Variants in FAM114A2 observed in about 807,000 individuals in gnomAD.
The protein encoded by FAM114A2 is protein FAM114A2.
A neutral mutation model predicts 58.4 loss-of-function variants in FAM114A2; 53 were observed. That is an observed-to-expected ratio of 0.91 (90% CI 0.73 to 1.14). The LOEUF (loss-of-function observed/expected upper bound fraction) is 1.14, where lower values mean the gene tolerates loss of function less well. FAM114A2 is among the 50% of genes most tolerant of loss of function. The pLI, the probability that FAM114A2 is intolerant of heterozygous loss-of-function variation, is 0.00. For missense variants in FAM114A2, 601 were observed against 581.1 expected (o/e 1.03, Z -0.35); for synonymous variants, 228 against 211.4 (o/e 1.08, Z -0.68).
intron 12 of FAM114A2, among the ~76,000 whole-genome samples, chr5:153,996,940 T>G (rs1438295062): frequency 1.4e-5 from 2 of 143,940 alleles, no homozygotes; most frequent in African/African-American, 5.2e-5. Context: ...GAGGTTGTAG[T>G]GAGCTGAGAT....
chr5:154,014,564 G>GGA (rs1217364046), intron 8 of FAM114A2, among the ~76,000 whole-genome samples: 3 of 152,178 alleles, frequency 2.0e-5, no homozygotes, highest in Admixed American at 1.3e-4. Context: ...TAGATTAAAG[G>GGA]GAGATGAATC....
chr5:154,034,005 A>G, intron 3 of FAM114A2, 122 bp from the exon 4 acceptor site: 1 of 693,848 alleles, frequency 1.4e-6, no homozygotes, highest in Middle Eastern at 3.6e-4. Context: ...ACAATACATA[A>G]CTAATCTTGG....
rs567158372 is a variant in FAM114A2, at chr5:154,027,758, C to A, written c.630+391G>T. On this transcript the variant is annotated intron_variant, in intron 6 of 13. Coordinates refer to ENST00000351797, the MANE Select transcript of FAM114A2 (RefSeq NM_018691.4). The stretch of plus-strand genomic sequence containing the variant: ...TCAACTGATTCACCTACCTCGGCCT[C>A]CCAAAGTGCTGGTATTACAGCCGTG... 2.6e-5 allele frequency among the ~76,000 whole-genome samples: 4 copies of A among 152,158 alleles called. No homozygotes were observed. The East Asian group carries it at 7.7e-4, about 29-fold the overall frequency.
At chr5:154,013,039 TTA>T (rs111296923) in intron 8 of FAM114A2, among the ~76,000 whole-genome samples, 1,720 of 151,670 alleles carry the variant, frequency 0.011, 43 homozygotes, top group African/African-American at 0.039. Context: ...CACATATAAT[TTA>T]TATGAATTTA....
In FAM114A2 at chr5:154,028,262, C is replaced by A. The variant is rs1388094014; in HGVS notation, c.517G>T (p.Gly173Cys). The A allele has an allele frequency of 1.2e-6, 2 of 1,604,646 alleles. No individual in the cohort carries two copies. Residue 173 changes from glycine to cysteine, a missense_variant, in exon 6 of 14, where the codon GGT becomes TGT. Physicochemically the swap from Gly to Cys is radical, Grantham distance 159. Coordinates refer to ENST00000351797, the MANE Select transcript of FAM114A2 (RefSeq NM_018691.4). ...CCAATGAATTCTAAGGCATCCAAACCCCCACTTATAACACTCTTTCCCTAG... is the reference window on the plus strand; with the variant it reads ...CCAATGAATTCTAAGGCATCCAAACACCCACTTATAACACTCTTTCCCTAG... ...QSTGKSVISG[G>C]LDALEFIGKK...
chr5:154,021,504 CA>C (rs1771418093), intron 8 of FAM114A2, among the ~76,000 whole-genome samples: 1 of 152,166 alleles, frequency 6.6e-6, no homozygotes, highest in Admixed American at 6.5e-5. Context: ...ATACCAATAA[CA>C]GACAAACAGA....
chr5:154,037,336 CAT>C (rs1279679352), intron 1 of FAM114A2: 2 of 152,148 alleles, frequency 1.3e-5, no homozygotes, highest in Non-Finnish European at 2.9e-5. Context: ...TTCCAAAACA[CAT>C]AGAGAAAAAA....
chr5:154,029,361 T>A (rs1208516969), intron 5 of FAM114A2, 128 bp downstream of exon 5: 2 of 591,182 alleles, frequency 3.4e-6, no homozygotes, highest in Non-Finnish European at 6.0e-6. Context: ...AAGTGACCGA[T>A]CTTCAGTGGC....
Position 154,035,650 on chromosome 5 carries a change from C to T in FAM114A2, c.-14-683G>A, listed in dbSNP as rs142120237. ...TATAAATAAAACAGCTATGAAAGTT[C>T]ATGTATAGGTTTTTGGGGGAACATA... On this transcript the variant is annotated intron_variant, in intron 1 of 13. Transcript: ENST00000351797. Among the ~76,000 whole-genome samples the T allele has an allele frequency of 2.1e-3, 318 of 152,196 alleles. 1 individual carries two copies. Among genetic ancestry groups the T allele is most frequent in the South Asian group, 7.5e-3 (36 of 4,816 alleles).
chr5:154,013,898 T>C (rs901758729), intron 8 of FAM114A2, among the ~76,000 whole-genome samples: 2 of 152,234 alleles, frequency 1.3e-5, no homozygotes, highest in Non-Finnish European at 2.9e-5. Context: ...GCTTACTATA[T>C]GCCACATATT....
Position 153,992,913 on chromosome 5 carries a change from G to A in FAM114A2, c.*63C>T, listed in dbSNP as rs1391552493. ...ACCCCACTCCTTCATTTCTGCAGGA[G>A]TAGCCAGAATAAGGTGGCATTCCTT... On this transcript the variant is annotated 3_prime_UTR_variant, in exon 14 of 14. Coordinates refer to ENST00000351797, the MANE Select transcript of FAM114A2 (RefSeq NM_018691.4). 1.4e-6 allele frequency: 2 copies of A among 1,479,188 alleles called. No individual in the cohort carries two copies. The highest frequency in any genetic ancestry group is 1.2e-5 in the South Asian group (1 of 80,940). 91.6% of individuals were successfully genotyped at this position (1,479,188 alleles called of 1,614,324 possible).
rs1002989258 is a variant in FAM114A2 at position 154,002,255 on chromosome 5, A to G, written c.1252T>C (p.Ser418Pro). The change falls in exon 11 of 14, where the codon TCC becomes CCC. Residue 418 changes from serine (S) to proline (P), a missense_variant. Coordinates refer to ENST00000351797, the MANE Select transcript of FAM114A2 (RefSeq NM_018691.4). ...AGGAATTCTCATTACACTTACTGGGAAAGAGTTTGGCTCCTTTCTATGGCT... is the reference window on the plus strand; with the variant it reads ...AGGAATTCTCATTACACTTACTGGGGAAGAGTTTGGCTCCTTTCTATGGCT... ...VTAIERSQTL[S>P]QMTIVLCKEL... is the part of the protein sequence containing the mutation. 3 of 1,613,486 alleles carry G rather than the reference A, an allele frequency of 1.9e-6. No homozygotes were observed. The highest frequency in any genetic ancestry group is 2.2e-5 in the South Asian group (2 of 91,054).
At chr5:154,016,002 T>C (rs112261123) in intron 8 of FAM114A2, among the ~76,000 whole-genome samples, 1,677 of 151,840 alleles carry the variant, frequency 0.011, 32 homozygotes, top group African/African-American at 0.037. Context: ...AGCAATAGAA[T>C]TGAACAAGCA....
At chr5:154,003,140 T>C (rs1269334654) in intron 9 of FAM114A2, among the ~76,000 whole-genome samples, 171 bp from the exon 10 acceptor site, 1 of 151,916 alleles carries the variant, frequency 6.6e-6, no homozygotes, top group East Asian at 1.9e-4. Flanking sequence ...CTTATCACTG[T>C]GGTCCATCAT....
Position 154,033,976 on chromosome 5 carries a change from CACAAG to C in FAM114A2, c.311-98_311-94del, listed in dbSNP as rs539827143. 442 of 779,956 alleles carry C rather than the reference CACAAG, an allele frequency of 5.7e-4. 3 individuals are homozygous for C. In the African/African-American group the frequency reaches 7.2e-3, roughly 13 times the overall value. The allele number at this position is 779,956 out of a possible 1,614,324, so 48.3% of individuals were successfully genotyped here. A position where few individuals can be genotyped will look rare whatever the true frequency, so the allele number is the denominator to read the frequency against. On this transcript the variant is annotated intron_variant, in intron 3 of 13. Coordinates refer to ENST00000351797, the MANE Select transcript of FAM114A2 (RefSeq NM_018691.4). ...GAAGATTTTTAAAATCATTTAGGAC[CACAAG>C]ACATGTTATTTTGACAATACATAAC...
At chr5:154,025,045 G>A (rs746532998) in intron 8 of FAM114A2, among the ~76,000 whole-genome samples, 1 of 152,032 alleles carries the variant, frequency 6.6e-6, no homozygotes, top group Non-Finnish European at 1.5e-5. Flanking sequence ...AGGAAAATGT[G>A]TACCAATTAT....
intron 4 of FAM114A2, among the ~76,000 whole-genome samples, chr5:154,030,130 T>C (rs1223848560): frequency 2.0e-5 from 3 of 152,172 alleles, no homozygotes; most frequent in Non-Finnish European, 4.4e-5. Context: ...CATGTAAAAC[T>C]GTACACCTAA....
At chr5:154,031,312 CAAA>C (rs59757780) in intron 4 of FAM114A2, among the ~76,000 whole-genome samples, 3 of 47,854 alleles carry the variant, frequency 6.3e-5, no homozygotes, top group South Asian at 1.1e-3. Context: ...ACTCCCTCTC[CAAA>C]AAAAAAAAAA....
intron 8 of FAM114A2, among the ~76,000 whole-genome samples, chr5:154,022,597 C>T (rs1315371600): frequency 2.0e-5 from 3 of 152,300 alleles, no homozygotes; most frequent in Non-Finnish European, 2.9e-5. Context: ...TACCATCTTA[C>T]ACCAGTTAGA....
Sources: gnomAD v4.1 joint callset for allele counts (sites outside exome capture counted in the v4.1 genomes callset) on GRCh38, gnomAD v4.1.1 for gene constraint, MANE v1.5 for transcripts, NCBI Gene and HGNC (gene_info 2026-07-23, HGNC 2026-07-21) for gene names.